Variants in ST6GALNAC3 observed in about 807,000 individuals in gnomAD.
ST6GALNAC3 encodes the protein ST6 N-acetylgalactosaminide alpha-2,6-sialyltransferase 3, also known as alpha-N-acetylgalactosaminide alpha-2,6-sialyltransferase 3.
ST6GALNAC3 carries 25 observed loss-of-function variants against 32.7 expected under a neutral mutation model. The observed-to-expected ratio is 0.76, with a 90% CI of 0.56 to 1.07. The LOEUF is 1.07. Among genes scored for constraint, ST6GALNAC3 ranks in the 50% least tolerant of loss-of-function variants. The pLI, the probability that ST6GALNAC3 is intolerant of heterozygous loss-of-function variation, is 0.00. For missense variants in ST6GALNAC3, 355 were observed against 382.4 expected (o/e 0.93, Z 0.60); for synonymous variants, 129 against 133.1 (o/e 0.97, Z 0.21).
intron 1 of ST6GALNAC3, among the ~76,000 whole-genome samples, chr1:76,302,681 A>G (rs771434059): frequency 9.9e-5 from 15 of 152,076 alleles, no homozygotes; most frequent in Middle Eastern, 3.4e-3. Context: ...ACCTTCAATA[A>G]TTATATTAGA....
intron 3 of ST6GALNAC3, among the ~76,000 whole-genome samples, chr1:76,586,117 T>C (rs1557600901): frequency 6.6e-6 from 1 of 152,184 alleles, no homozygotes; most frequent in African/African-American, 2.4e-5. Context: ...ACCCTTCTTT[T>C]CAGAGCATGT....
rs11406854 is a variant in ST6GALNAC3 at position 76,175,522 on chromosome 1, G to GTT, written c.18+100650_18+100651dup. On this transcript the variant is annotated intron_variant, in intron 1 of 4. Coordinates refer to ENST00000328299, the MANE Select transcript of ST6GALNAC3 (RefSeq NM_152996.4). ...CCTGAATCAGCTGCCCTGATGGATA[G>GTT]TTTTTTTTTTTTTGGTGTGGGCTTG... Among the ~76,000 whole-genome samples, 789 of 146,268 alleles carry GTT rather than the reference G, an allele frequency of 5.4e-3. 1 individual carries two copies. Among genetic ancestry groups the GTT allele is most frequent in the South Asian group, 5.8e-3 (27 of 4,634 alleles).
intron 3 of ST6GALNAC3, among the ~76,000 whole-genome samples, chr1:76,615,770 C>T (rs1648252372): frequency 1.3e-5 from 2 of 152,126 alleles, no homozygotes; most frequent in African/African-American, 4.8e-5. Flanking sequence ...ATTGCTTTAG[C>T]TCTGTTTTCT....
chr1:76,133,161 C>T lies in ST6GALNAC3; in HGVS notation c.18+58277C>T, dbSNP rs542669655. Among the ~76,000 whole-genome samples, 167 of 152,326 alleles carry T rather than the reference C, an allele frequency of 1.1e-3. 1 individual carries two copies. Among genetic ancestry groups the T allele is most frequent in the Middle Eastern group, 3.4e-3 (1 of 294 alleles). On this transcript the variant is annotated intron_variant, in intron 1 of 4. Coordinates refer to ENST00000328299, the MANE Select transcript of ST6GALNAC3 (RefSeq NM_152996.4). Reference sequence around the variant, plus strand: ...GCAAGGCCCCCTCATCCATCAGGCACACCAACCAGGTAGCTTGGGACTCTC... The same window carrying T: ...GCAAGGCCCCCTCATCCATCAGGCATACCAACCAGGTAGCTTGGGACTCTC...
chr1:76,300,020 G>A (rs959080152), intron 1 of ST6GALNAC3, among the ~76,000 whole-genome samples: 8 of 151,956 alleles, frequency 5.3e-5, no homozygotes, highest in African/African-American at 9.7e-5. Context: ...GACCATGTGC[G>A]CTAACCTATC....
chr1:76,484,144 G>T (rs569951122), intron 3 of ST6GALNAC3, among the ~76,000 whole-genome samples: 1 of 152,170 alleles, frequency 6.6e-6, no homozygotes, highest in Non-Finnish European at 1.5e-5. Context: ...AGAGTTTGAA[G>T]TCAGGTAGCA....
intron 3 of ST6GALNAC3, among the ~76,000 whole-genome samples, chr1:76,549,319 C>T (rs560340926): frequency 1.2e-4 from 19 of 152,174 alleles, no homozygotes; most frequent in African/African-American, 4.6e-4. Flanking sequence ...CAGAAATAAC[C>T]ATTACCCTGA....
At chr1:76,112,701 C>T (rs1046912168) in intron 1 of ST6GALNAC3, among the ~76,000 whole-genome samples, 188 of 146,784 alleles carry the variant, frequency 1.3e-3, no homozygotes, top group Non-Finnish European at 2.2e-3. Context: ...ACTTCTCAGA[C>T]GGGGCGGCCG....
chr1:76,362,874 C>T (rs1450670063), intron 2 of ST6GALNAC3, among the ~76,000 whole-genome samples: 2 of 152,202 alleles, frequency 1.3e-5, no homozygotes, highest in Non-Finnish European at 2.9e-5. Flanking sequence ...TGCAGCTTTT[C>T]CAGGTGCAGG....
chr1:76,508,815 A>G (rs1229695555), intron 3 of ST6GALNAC3, among the ~76,000 whole-genome samples: 2 of 152,230 alleles, frequency 1.3e-5, no homozygotes, highest in African/African-American at 4.8e-5. Context: ...ATTATGGAAA[A>G]GTTGAAAATA....
At chr1:76,186,932 C>T (rs1653592394) in intron 1 of ST6GALNAC3, among the ~76,000 whole-genome samples, 1 of 152,142 alleles carries the variant, frequency 6.6e-6, no homozygotes, top group Non-Finnish European at 1.5e-5. Context: ...AACAATGATT[C>T]CTGAGGCAAC....
intron 2 of ST6GALNAC3, among the ~76,000 whole-genome samples, chr1:76,396,143 T>C (rs957130747): frequency 4.6e-5 from 7 of 152,180 alleles, no homozygotes; most frequent in African/African-American, 1.7e-4. Context: ...TCCCCTCTGC[T>C]TTAACCCTAT....
At chr1:76,444,436 G>A (rs1471213789) in intron 3 of ST6GALNAC3, among the ~76,000 whole-genome samples, 1 of 152,038 alleles carries the variant, frequency 6.6e-6, no homozygotes, top group African/African-American at 2.4e-5. Flanking sequence ...TAAACAACAG[G>A]CAAGTTCATG....
intron 3 of ST6GALNAC3, among the ~76,000 whole-genome samples, chr1:76,418,858 T>G (rs1654830730): frequency 6.6e-6 from 1 of 151,924 alleles, no homozygotes; most frequent in African/African-American, 2.4e-5. Context: ...ACTTCCTTTT[T>G]ACCATTATTT....
chr1:76,353,236 A>G (rs931048371), intron 2 of ST6GALNAC3, among the ~76,000 whole-genome samples: 2 of 152,018 alleles, frequency 1.3e-5, no homozygotes, highest in Non-Finnish European at 2.9e-5. Flanking sequence ...AGTTTCTGTC[A>G]TGGGCTTGCT....
chr1:76,454,609 C>T (rs1657639192), intron 3 of ST6GALNAC3, among the ~76,000 whole-genome samples: 1 of 152,110 alleles, frequency 6.6e-6, no homozygotes, highest in Non-Finnish European at 1.5e-5. Flanking sequence ...GAAAATAGGG[C>T]CCAAATCCCT....
At chr1:76,233,342 T>G (rs1382668360) in intron 1 of ST6GALNAC3, among the ~76,000 whole-genome samples, 1 of 152,164 alleles carries the variant, frequency 6.6e-6, no homozygotes, top group Non-Finnish European at 1.5e-5. Flanking sequence ...AGCAGCAGCA[T>G]TATAAAAAAC....
At chr1:76,173,988 A>G (rs974758760) in intron 1 of ST6GALNAC3, among the ~76,000 whole-genome samples, 16 of 152,238 alleles carry the variant, frequency 1.1e-4, no homozygotes, top group African/African-American at 3.6e-4. Context: ...ATTACTGGGT[A>G]TATACCCAGA....
chr1:76,476,942 T>C (rs1659395280), intron 3 of ST6GALNAC3, among the ~76,000 whole-genome samples: 2 of 152,144 alleles, frequency 1.3e-5, no homozygotes, highest in African/African-American at 2.4e-5. Flanking sequence ...TCAGCCTGTG[T>C]TGTGCCTTGG....
Sources: allele counts gnomAD v4.1 joint callset (sites outside exome capture counted in the v4.1 genomes callset), GRCh38; gene constraint gnomAD v4.1.1; transcripts MANE v1.5; gene names NCBI Gene and HGNC (gene_info 2026-07-23, HGNC 2026-07-21).